Variants in ETS1 observed in about 807,000 individuals in gnomAD.
ETS1 encodes the protein ETS proto-oncogene 1, transcription factor.
In ETS1, 15 loss-of-function variants were observed where a neutral mutation model predicts 58.6. The ratio of observed to expected loss-of-function variants is 0.26; its 90% confidence interval spans 0.17 to 0.39. The LOEUF is 0.39. Among genes scored for constraint, ETS1 ranks in the 10% least tolerant of loss-of-function variants. ETS1 has a pLI of 1.00. For synonymous variants in ETS1, 214 were observed against 218.2 expected (o/e 0.98, Z 0.17); for missense variants, 417 against 610.5 (o/e 0.68, Z 3.34).
chr11:128,585,320 G>C (rs1413257623), intron 1 of ETS1, among the ~76,000 whole-genome samples: 1 of 141,188 alleles, frequency 7.1e-6, no homozygotes, highest in African/African-American at 2.6e-5. Context: ...AGGGAAGAAG[G>C]AAGGAAGGAA....
chr11:128,468,561 C>A (rs1862100364), intron 8 of ETS1, among the ~76,000 whole-genome samples: 1 of 152,178 alleles, frequency 6.6e-6, no homozygotes, highest in South Asian at 2.1e-4. Flanking sequence ...ACTCCTTCCT[C>A]ATTTCCATTT....
In ETS1 at chr11:128,549,603, C is replaced by G. The variant is rs1312976302; in HGVS notation, c.214+6688G>C. Among the ~76,000 whole-genome samples, 1 of 152,156 alleles carries G rather than the reference C, an allele frequency of 6.6e-6. No individual in the cohort carries two copies. The highest frequency in any genetic ancestry group is 2.4e-5 in the African/African-American group (1 of 41,428). ...TAGGATGTTCGAGAAGCTGCGAGTT[C>G]GAGGGCGGGCCGGCGGAAGGCTTGC... On this transcript the variant is annotated intron_variant, in intron 3 of 9. Coordinates refer to ENST00000392668, the MANE Select transcript of ETS1 (RefSeq NM_001143820.2). This position sits in a 1 kb window ranked among gnomAD's most constrained non-coding sequence, Gnocchi z 4.3.
rs765821909 is a variant in ETS1, at chr11:128,479,218, C to A, written c.1123+973G>T. Reference sequence around the variant, plus strand: ...TCAGAGAGACACCTCAATAGAAACACAGATCTTGCTGTTTGTCATCATCCA... The same window carrying A: ...TCAGAGAGACACCTCAATAGAAACAAAGATCTTGCTGTTTGTCATCATCCA... On this transcript the variant is annotated intron_variant, in intron 8 of 9. Coordinates refer to ENST00000392668, the MANE Select transcript of ETS1 (RefSeq NM_001143820.2). 1.3e-5 allele frequency among the ~76,000 whole-genome samples: 2 copies of A among 152,182 alleles called. 1 individual carries two copies. The highest frequency in any genetic ancestry group is 2.9e-5 in the Non-Finnish European group (2 of 68,032).
At chr11:128,548,798 G>A (rs932964917) in intron 3 of ETS1, among the ~76,000 whole-genome samples, 1 of 152,208 alleles carries the variant, frequency 6.6e-6, no homozygotes, top group Non-Finnish European at 1.5e-5. Flanking sequence ...TGCTGGCAGC[G>A]CCGGGGTTAA....
chr11:128,525,855 G>A (rs908633761), intron 3 of ETS1, among the ~76,000 whole-genome samples: 1 of 152,074 alleles, frequency 6.6e-6, no homozygotes, highest in Admixed American at 6.5e-5. Context: ...GCAATAAAAT[G>A]GAAAATTAGA....
chr11:128,463,911 AAG>A lies in ETS1; in HGVS notation c.1124-286_1124-285del, dbSNP rs1662330949. On this transcript the variant is annotated intron_variant, in intron 8 of 9. Coordinates refer to ENST00000392668, the MANE Select transcript of ETS1 (RefSeq NM_001143820.2). The surrounding 1 kb of genome is among the most constrained non-coding windows in gnomAD (Gnocchi z 4.1). ...TTTTTATTGCTAAACAAATTCTAGA[AAG>A]AGAACACTGTGCCTATCCTCTGGGA... The A allele has an allele frequency of 8.8e-6, 2 of 228,058 alleles. No homozygotes were observed. Among genetic ancestry groups the A allele is most frequent in the Admixed American group, 1.1e-4 (2 of 18,148 alleles). 14.1% of individuals were successfully genotyped at this position (228,058 alleles called of 1,614,324 possible).
chr11:128,559,216 A>C (rs1212874926), intron 2 of ETS1, among the ~76,000 whole-genome samples: 1 of 152,264 alleles, frequency 6.6e-6, no homozygotes, highest in East Asian at 1.9e-4. Context: ...TGCTAAAGAA[A>C]AGCCACTTGA....
chr11:128,550,473 T>C (rs1864211446), intron 3 of ETS1, among the ~76,000 whole-genome samples: 1 of 152,186 alleles, frequency 6.6e-6, no homozygotes, highest in Non-Finnish European at 1.5e-5. Context: ...AGAGCGAGTG[T>C]GCGGGAGATA....
intron 3 of ETS1, among the ~76,000 whole-genome samples, chr11:128,510,915 GT>G (rs1382535498): frequency 6.6e-6 from 1 of 152,188 alleles, no homozygotes; most frequent in Non-Finnish European, 1.5e-5. Flanking sequence ...AGGGGCTTAC[GT>G]TTTTTGGTAA....
chr11:128,513,824 GA>G (rs1446684771), intron 3 of ETS1, among the ~76,000 whole-genome samples: 2 of 152,164 alleles, frequency 1.3e-5, no homozygotes, highest in Non-Finnish European at 2.9e-5. Flanking sequence ...GGCCAAGGTG[GA>G]AAGATTGTTT....
intron 8 of ETS1, 119 bp downstream of exon 8, chr11:128,480,072 C>T: frequency 7.5e-7 from 1 of 1,336,910 alleles, no homozygotes; most frequent in Non-Finnish European, 1.0e-6. Flanking sequence ...GACTTCTCCC[C>T]CGTGCCCTGC....
In ETS1 at chr11:128,484,242, A is replaced by AT. The variant is rs539462861; in HGVS notation, c.862+580_862+581insA. Among the ~76,000 whole-genome samples the AT allele has an allele frequency of 5.3e-3, 810 of 152,316 alleles. 3 individuals are homozygous for AT. The highest frequency in any genetic ancestry group is 8.0e-3 in the Non-Finnish European group (543 of 68,030). On this transcript the variant is annotated intron_variant, in intron 7 of 9. Transcript: ENST00000392668. ...CACCTCCGTCCCTGGTCCTCTAGCT[A>AT]AATACACACTTCACCACACTGCTGA...
chr11:128,566,645 C>A (rs960594890), intron 2 of ETS1, among the ~76,000 whole-genome samples: 1 of 151,836 alleles, frequency 6.6e-6, no homozygotes, highest in Admixed American at 6.6e-5. Context: ...TAGCTGGGCA[C>A]GGTGGTGGGC....
chr11:128,557,032 C>G (rs1456779181), intron 2 of ETS1, among the ~76,000 whole-genome samples: 1 of 152,068 alleles, frequency 6.6e-6, no homozygotes, highest in African/African-American at 2.4e-5. Flanking sequence ...ATATACAATC[C>G]CAATCTACAT....
At chr11:128,470,742 T>A (rs537942846) in intron 8 of ETS1, among the ~76,000 whole-genome samples, 1 of 152,182 alleles carries the variant, frequency 6.6e-6, no homozygotes, top group South Asian at 2.1e-4. Flanking sequence ...CTTCCAAGGA[T>A]TAAATTGGCC....
Position 128,584,977 on chromosome 11 carries a change from A to AGAAAGAAAGAAAGAAAGAAAGAAAGAAAG in ETS1, c.-15+2510_-15+2511insCTTTCTTTCTTTCTTTCTTTCTTTCTTTC. On this transcript the variant is annotated intron_variant, in intron 1 of 9. Coordinates refer to ENST00000392668, the MANE Select transcript of ETS1 (RefSeq NM_001143820.2). ...AAGAAAGAAAGAAAGAAAGAAAGAA[A>AGAAAGAAAGAAAGAAAGAAAGAAAGAAAG]GAAAGAAAGAAAGGAAGGAAGGAAG... is the stretch of plus-strand genomic sequence containing the variant. Among the ~76,000 whole-genome samples the AGAAAGAAAGAAAGAAAGAAAGAAAGAAAG allele has an allele frequency of 7.6e-3, 140 of 18,416 alleles. 13 individuals are homozygous for AGAAAGAAAGAAAGAAAGAAAGAAAGAAAG. Among genetic ancestry groups the AGAAAGAAAGAAAGAAAGAAAGAAAGAAAG allele is most frequent in the Non-Finnish European group, 1.0e-2 (100 of 10,018 alleles). 12.1% of individuals were successfully genotyped at this position (18,416 alleles called of 152,430 possible). A position where few individuals can be genotyped will look rare whatever the true frequency, so the allele number is the denominator to read the frequency against.
At chr11:128,540,742 G>A (rs902359412) in intron 3 of ETS1, among the ~76,000 whole-genome samples, 21 of 152,178 alleles carry the variant, frequency 1.4e-4, no homozygotes, top group Non-Finnish European at 4.4e-5. Flanking sequence ...TAAACAGCAA[G>A]GAGCACTAAT....
rs1861842952 is a variant in ETS1 at position 128,459,177 on chromosome 11, A to G, written c.*3184T>C. 1.3e-5 allele frequency: 2 copies of G among 150,206 alleles called. No homozygotes were observed. The highest frequency in any genetic ancestry group is 3.0e-5 in the Non-Finnish European group (2 of 67,610). 9.3% of individuals were successfully genotyped at this position (150,206 alleles called of 1,614,324 possible). ...TTCAATAACTGAGGCAGTATTCCTG[A>G]TAATTTTATTTTAATATATATATTT... On this transcript the variant is annotated 3_prime_UTR_variant, in exon 10 of 10. Transcript: ENST00000392668.
At chr11:128,537,059 G>A (rs1863982158) in intron 3 of ETS1, among the ~76,000 whole-genome samples, 1 of 152,112 alleles carries the variant, frequency 6.6e-6, no homozygotes, top group Non-Finnish European at 1.5e-5. Flanking sequence ...TCTGTCCAGG[G>A]TACAGAGACT....
Sources: gnomAD v4.1 joint callset for allele counts (sites outside exome capture counted in the v4.1 genomes callset) on GRCh38, gnomAD v4.1.1 for gene constraint, Gnocchi (gnomAD v3.1) non-coding constraint, MANE v1.5 for transcripts, NCBI Gene and HGNC (gene_info 2026-07-23, HGNC 2026-07-21) for gene names.